Variants in SRGAP1 observed in about 807,000 individuals in gnomAD.
SRGAP1 encodes SLIT-ROBO Rho GTPase activating protein 1.
SRGAP1 carries 43 observed loss-of-function variants against 121.9 expected under a neutral mutation model. The observed-to-expected ratio is 0.35, with a 90% confidence interval of 0.28 to 0.46. The LOEUF (loss-of-function observed/expected upper bound fraction) is 0.46, where lower values mean the gene tolerates loss of function less well. Among genes scored for constraint, SRGAP1 ranks in the 20% least tolerant of loss-of-function variants. The pLI, the probability that SRGAP1 is intolerant of heterozygous loss-of-function variation, is 1.00. For missense variants in SRGAP1, 1,102 were observed against 1,350.9 expected, an observed-to-expected ratio of 0.82 and a Z score of 2.89; for synonymous variants, 447 against 485.4, an observed-to-expected ratio of 0.92 and a Z score of 1.04.
chr12:64,067,462 ATAAAACT>A (rs2136543134), intron 8 of SRGAP1, among the ~76,000 whole-genome samples: 1 of 152,254 alleles, frequency 6.6e-6, no homozygotes, highest in African/African-American at 2.4e-5. Flanking sequence ...TGACTGCAAA[ATAAAACT>A]TAAAAAGTAA....
rs1352777763 is a variant in SRGAP1, at chr12:64,160,852, C to G, written c.*18180C>G. The G allele has an allele frequency of 1.3e-5, 2 of 152,208 alleles. No homozygotes were observed. The highest frequency in any genetic ancestry group is 4.8e-5 in the African/African-American group (2 of 41,464). 9.4% of individuals were successfully genotyped at this position (152,208 alleles called of 1,614,324 possible). ...AGGATTGTGCCCATATTTCTCTATT[C>G]TCTCTAGCATTATGAATCATTTCCC... On this transcript the variant is annotated 3_prime_UTR_variant, in exon 22 of 22. Coordinates refer to ENST00000355086, the MANE Select transcript of SRGAP1 (RefSeq NM_020762.4).
intron 8 of SRGAP1, among the ~76,000 whole-genome samples, chr12:64,067,716 G>C (rs920642675): frequency 6.6e-6 from 1 of 152,104 alleles, no homozygotes; most frequent in East Asian, 1.9e-4. Context: ...AGAACAGTTT[G>C]GTTATCACCC....
At chr12:64,077,679 C>A (rs1281548653) in intron 8 of SRGAP1, among the ~76,000 whole-genome samples, 1 of 151,722 alleles carries the variant, frequency 6.6e-6, no homozygotes, top group Non-Finnish European at 1.5e-5. Flanking sequence ...AAGCTCCTAA[C>A]AGATAACATA....
intron 3 of SRGAP1, among the ~76,000 whole-genome samples, chr12:63,991,590 A>G (rs1220815591): frequency 1.3e-5 from 2 of 152,230 alleles, no homozygotes; most frequent in Non-Finnish European, 2.9e-5. Context: ...TGAAAGTGCA[A>G]TAATTTTCTT....
At chr12:63,845,756 T>C (rs1898882935) in intron 1 of SRGAP1, among the ~76,000 whole-genome samples, 1 of 152,208 alleles carries the variant, frequency 6.6e-6, no homozygotes, top group Non-Finnish European at 1.5e-5. Context: ...TCCTCCTCTT[T>C]CCTGAGGTCT....
intron 21 of SRGAP1, among the ~76,000 whole-genome samples, chr12:64,137,003 C>T (rs1403134172): frequency 6.6e-6 from 1 of 152,106 alleles, no homozygotes; most frequent in Non-Finnish European, 1.5e-5. Flanking sequence ...GTGACTCATG[C>T]CTGTAATCCC....
At chr12:64,108,333 T>A (rs1027860118) in intron 15 of SRGAP1, among the ~76,000 whole-genome samples, 1 of 152,168 alleles carries the variant, frequency 6.6e-6, no homozygotes, top group Non-Finnish European at 1.5e-5. Flanking sequence ...AATAAATAGC[T>A]ATAAACATCA....
At chr12:64,069,412 A>C (rs1285121838) in intron 8 of SRGAP1, among the ~76,000 whole-genome samples, 1 of 152,190 alleles carries the variant, frequency 6.6e-6, no homozygotes, top group Non-Finnish European at 1.5e-5. Flanking sequence ...CTTTACATTT[A>C]CCTGTTAAAC....
At chr12:64,063,197 C>A in intron 7 of SRGAP1, 59 bp downstream of exon 7, 1 of 1,424,152 alleles carries the variant, frequency 7.0e-7, no homozygotes, top group South Asian at 1.2e-5. Flanking sequence ...TTTCTCCTCA[C>A]TTGCTATAAT....
chr12:64,066,506 T>C (rs1263516941), intron 8 of SRGAP1, among the ~76,000 whole-genome samples: 1 of 152,230 alleles, frequency 6.6e-6, no homozygotes, highest in Admixed American at 6.5e-5. Flanking sequence ...CTTACAGTGA[T>C]AAAGTGAATT....
chr12:64,022,505 T>C (rs1348007001), intron 4 of SRGAP1, among the ~76,000 whole-genome samples: 2 of 152,190 alleles, frequency 1.3e-5, no homozygotes, highest in Non-Finnish European at 2.9e-5. Flanking sequence ...TACTGATTCC[T>C]ATGTTAATCT....
At chr12:64,069,036 A>T (rs1047382583) in intron 8 of SRGAP1, among the ~76,000 whole-genome samples, 1 of 151,186 alleles carries the variant, frequency 6.6e-6, no homozygotes, top group African/African-American at 2.4e-5. Flanking sequence ...GTGTATATAT[A>T]TACATATTAT....
chr12:63,957,862 T>TA (rs1325405072), intron 1 of SRGAP1, among the ~76,000 whole-genome samples: 3 of 152,148 alleles, frequency 2.0e-5, no homozygotes, highest in Non-Finnish European at 2.9e-5. Flanking sequence ...ATGAGTGATA[T>TA]AAAAAAATCT....
In SRGAP1 at chr12:64,090,692, T is replaced by C. The variant is rs568312079; in HGVS notation, c.1437-584T>C. 6.6e-5 allele frequency among the ~76,000 whole-genome samples: 10 copies of C among 152,162 alleles called. No homozygotes were observed. The East Asian group carries it at 1.7e-3, about 26-fold the overall frequency. On this transcript the variant is annotated intron_variant, in intron 11 of 21. Transcript: ENST00000355086. Reference sequence around the variant, plus strand: ...CCGTCTCTATAAAAAATTTAAAAATTAGCTGGGCATGATGGCATGCGCCTG... The same window carrying C: ...CCGTCTCTATAAAAAATTTAAAAATCAGCTGGGCATGATGGCATGCGCCTG...
intron 1 of SRGAP1, among the ~76,000 whole-genome samples, chr12:63,952,378 T>C (rs556988596): frequency 1.3e-5 from 2 of 152,210 alleles, no homozygotes; most frequent in East Asian, 3.9e-4. Flanking sequence ...TAGCCAGATA[T>C]GGTGGTATGC....
intron 1 of SRGAP1, chr12:63,871,987 G>T (rs1341178996): frequency 2.1e-6 from 2 of 945,740 alleles, no homozygotes; most frequent in Non-Finnish European, 1.7e-6. Context: ...TTCTTATACT[G>T]TGTCACTTCG....
chr12:64,006,940 G>C (rs957443800), intron 3 of SRGAP1, among the ~76,000 whole-genome samples: 1 of 152,052 alleles, frequency 6.6e-6, no homozygotes, highest in African/African-American at 2.4e-5. Flanking sequence ...TGGATCTTTA[G>C]CTTACTGGGA....
At chr12:63,912,053 T>G (rs1340650708) in intron 1 of SRGAP1, among the ~76,000 whole-genome samples, 2 of 152,156 alleles carry the variant, frequency 1.3e-5, no homozygotes, top group African/African-American at 4.8e-5. Context: ...CATACTTAGA[T>G]GAATGGCACT....
intron 1 of SRGAP1, chr12:63,872,017 G>T: frequency 1.2e-6 from 1 of 859,360 alleles, no homozygotes; most frequent in Non-Finnish European, 2.0e-6. Context: ...GCTTACAAAG[G>T]TTCTTCGGGT....
Sources: allele counts gnomAD v4.1 joint callset (sites outside exome capture counted in the v4.1 genomes callset), GRCh38; gene constraint gnomAD v4.1.1; transcripts MANE v1.5; gene names NCBI Gene and HGNC (gene_info 2026-07-23, HGNC 2026-07-21).